Variants in UBR2 observed in about 807,000 individuals in gnomAD.
UBR2 encodes the protein E3 ubiquitin-protein ligase UBR2.
UBR2 carries 92 observed loss-of-function variants against 247.9 expected under a neutral mutation model. That is an observed-to-expected ratio of 0.37 (90% CI 0.31 to 0.44). UBR2 has a LOEUF of 0.44. Ranked by LOEUF, UBR2 falls within the 20% of genes least tolerant of loss-of-function variation. UBR2 has a pLI of 1.00. For synonymous variants in UBR2, 672 were observed against 693.5 expected (o/e 0.97, Z 0.49); for missense variants, 1,613 against 2,112.6 (o/e 0.76, Z 4.64).
intron 40 of UBR2, among the ~76,000 whole-genome samples, chr6:42,678,205 A>G (rs578261866): frequency 1.2e-4 from 19 of 152,178 alleles, no homozygotes; most frequent in Admixed American, 4.6e-4. Context: ...GCGTGGTGGC[A>G]GGCACCTGTA....
rs752536633 is a variant in UBR2, at chr6:42,658,652, A to G, written c.3070A>G (p.Arg1024Gly). ...TEGTIMEESS[R>G]DKDKAERKRK... ...GAATGGAGCATAATTTCAGAGTTCA[A>G]GGGACAAAGACAAAGCTGAGAGGAA... is the stretch of plus-strand genomic sequence containing the variant. Residue 1024 changes from arginine to glycine, a missense_variant, in exon 29 of 47, where the codon AGG becomes GGG. Coordinates refer to ENST00000372901, the MANE Select transcript of UBR2 (RefSeq NM_001363705.2). 9 of 1,603,032 alleles carry G rather than the reference A, an allele frequency of 5.6e-6. No individual in the cohort carries two copies. In the African/African-American group the frequency reaches 1.2e-4, roughly 22 times the overall value.
chr6:42,615,144 C>T lies in UBR2; in HGVS notation c.1059C>T (p.Asp353=), dbSNP rs774167793. Residue 353 remains aspartate, a synonymous_variant, in exon 9 of 47, where the codon GAC becomes GAT. Transcript: ENST00000372901. The part of the protein sequence containing the change: ...GPDGENSSLV[D]RLMLSDSKLW... ...ATGGTGAAAACTCTTCTCTAGTGGA[C>T]AGACTGATGCTTAGTGATTCCAAAT... 2.3e-5 allele frequency: 37 copies of T among 1,612,562 alleles called. No homozygotes were observed. In the East Asian group the frequency reaches 8.0e-4, roughly 35 times the overall value.
intron 1 of UBR2, among the ~76,000 whole-genome samples, chr6:42,571,729 C>G (rs916342760): frequency 9.6e-6 from 1 of 103,828 alleles, no homozygotes; most frequent in Non-Finnish European, 1.8e-5. Flanking sequence ...GGCGACAGCA[C>G]GAGACTCAAA....
chr6:42,648,318 T>C (rs937727966), intron 22 of UBR2, 148 bp downstream of exon 22: 1 of 694,594 alleles, frequency 1.4e-6, no homozygotes, highest in African/African-American at 1.8e-5. Flanking sequence ...TGAATTAGAT[T>C]TCTCACTGAC....
chr6:42,648,775 A>G (rs1042045539), intron 22 of UBR2, among the ~76,000 whole-genome samples: 1 of 152,146 alleles, frequency 6.6e-6, no homozygotes, highest in African/African-American at 2.4e-5. Flanking sequence ...CTGTAATCCA[A>G]CCACTCAGAT....
At chr6:42,653,853 G>A (rs1797270736) in intron 25 of UBR2, among the ~76,000 whole-genome samples, 1 of 151,944 alleles carries the variant, frequency 6.6e-6, no homozygotes, top group East Asian at 1.9e-4. Flanking sequence ...CCAGCGTCAG[G>A]TGATCCACTC....
chr6:42,586,392 C>T (rs752622704), intron 2 of UBR2, among the ~76,000 whole-genome samples: 2 of 151,948 alleles, frequency 1.3e-5, no homozygotes, highest in African/African-American at 4.8e-5. Context: ...TTTTATGGTT[C>T]GGCAACATGG....
Position 42,670,190 on chromosome 6 carries a change from G to A in UBR2, c.3980G>A (p.Arg1327His), listed in dbSNP as rs1350207486. 6.8e-6 allele frequency: 11 copies of A among 1,614,028 alleles called. No individual in the cohort carries two copies. The highest frequency in any genetic ancestry group is 4.5e-5 in the East Asian group (2 of 44,894). ...LKVHPNEEDP[R>H]VPIMCWGSCA... ...GTTCATCCCAATGAAGAGGATCCTC[G>A]TGTTCCCATAATGTGTTGGGGTAGC... The change falls in exon 35 of 47, where the codon CGT (arginine) becomes CAT (histidine). Residue 1327 changes from arginine to histidine, a missense_variant. By Grantham distance (29) the Arg-to-His change is conservative. Coordinates refer to ENST00000372901, the MANE Select transcript of UBR2 (RefSeq NM_001363705.2).
At chr6:42,655,757 G>T in intron 26 of UBR2, 34 bp downstream of exon 26, 1 of 1,246,986 alleles carries the variant, frequency 8.0e-7, no homozygotes, top group Non-Finnish European at 1.1e-6. Context: ...ACTAACTCAA[G>T]ATATAAATGA....
chr6:42,651,182 A>G (rs1478504624), intron 23 of UBR2, among the ~76,000 whole-genome samples: 1 of 151,746 alleles, frequency 6.6e-6, no homozygotes, highest in African/African-American at 2.4e-5. Flanking sequence ...TGATTGCACC[A>G]CTGCATTCCA....
In UBR2 at chr6:42,685,302, ACT is replaced by A. The variant is rs1191573540; in HGVS notation, c.4853+434_4853+435del. Among the ~76,000 whole-genome samples, 7 of 151,834 alleles carry A rather than the reference ACT, an allele frequency of 4.6e-5. No homozygotes were observed. The South Asian group carries it at 1.5e-3, about 32-fold the overall frequency. ...CTCCAGCCTGGGTGACAAAAGCAAA[ACT>A]CTGTCTCAAAAAATGAATAACATCT... is the stretch of plus-strand genomic sequence containing the variant. On this transcript the variant is annotated intron_variant, in intron 44 of 46. Transcript: ENST00000372901.
In UBR2 at chr6:42,691,050, T is replaced by G; in HGVS notation, c.5145T>G (p.His1715Gln). The change falls in exon 47 of 47, where the codon CAT becomes CAG. Residue 1715 changes from histidine to glutamine, a missense_variant. Coordinates refer to ENST00000372901, the MANE Select transcript of UBR2 (RefSeq NM_001363705.2). ...TTTCTAGACGGGGAAATCCTTTACA[T>G]TTATGCAAAGAGCGATTCAAGAAGA... ...DQGLRRGNPL[H>Q]LCKERFKKIQ... The G allele has an allele frequency of 6.2e-7, 1 of 1,614,018 alleles. No homozygotes were observed. Among genetic ancestry groups the G allele is most frequent in the Non-Finnish European group, 8.5e-7 (1 of 1,179,982 alleles).
At chr6:42,569,321 TTGTTTTTGCCTG>T (rs1221405569) in intron 1 of UBR2, among the ~76,000 whole-genome samples, 1 of 152,208 alleles carries the variant, frequency 6.6e-6, no homozygotes, top group Non-Finnish European at 1.5e-5. Flanking sequence ...TTGCCAACAC[TTGTTTTTGCCTG>T]TGTTTTGATT....
At position 42,663,352 on chromosome 6, in the gene UBR2, C is replaced by T; in HGVS notation, c.3631C>T (p.Pro1211Ser). 1 of 1,613,518 alleles carries T rather than the reference C, an allele frequency of 6.2e-7. No homozygotes were observed. The highest frequency in any genetic ancestry group is 8.5e-7 in the Non-Finnish European group (1 of 1,179,768). Residue 1211 changes from proline to serine, a missense_variant, in exon 32 of 47, where the codon CCC becomes TCC. By Grantham distance (74) the Pro-to-Ser change is moderately conservative (BLOSUM62 -1). This residue lies in a region of UBR2 where 1,524 missense variants were observed against 1,967.3 expected (regional missense o/e 0.77). Transcript: ENST00000372901. ...YDVENGEFLC[P>S]LCECLSNTVI... ...TGTAGAAAACGGAGAATTCCTTTGCCCCCTTTGTGAATGCTTGAGTAATAC... is the reference window on the plus strand; with the variant it reads ...TGTAGAAAACGGAGAATTCCTTTGCTCCCTTTGTGAATGCTTGAGTAATAC...
chr6:42,663,537 T>C, intron 32 of UBR2, 118 bp downstream of exon 32: 1 of 1,051,136 alleles, frequency 9.5e-7, no homozygotes. Flanking sequence ...CCAGATACTT[T>C]CCAAACTCTA....
chr6:42,621,502 G>A (rs1359283338), intron 11 of UBR2, among the ~76,000 whole-genome samples: 1 of 151,372 alleles, frequency 6.6e-6, no homozygotes, highest in Non-Finnish European at 1.5e-5. Flanking sequence ...CATTGTTGTT[G>A]CCCAGGCTGG....
Position 42,594,310 on chromosome 6 carries a change from A to G in UBR2, c.531+6A>G. ...CTGAAATTGAGGAAGAAGAGGTAAA[A>G]ACATTTTCACAAAGTTGTTTTTAAC... On this transcript the variant is annotated splice_donor_region_variant and intron_variant, in intron 4 of 46. Coordinates refer to ENST00000372901, the MANE Select transcript of UBR2 (RefSeq NM_001363705.2). 6.3e-7 allele frequency: 1 copy of G among 1,596,156 alleles called. No individual in the cohort carries two copies. The highest frequency in any genetic ancestry group is 8.5e-7 in the Non-Finnish European group (1 of 1,169,864).
intron 7 of UBR2, among the ~76,000 whole-genome samples, chr6:42,610,284 T>C (rs1267885682): frequency 6.6e-6 from 1 of 152,210 alleles, no homozygotes; most frequent in Admixed American, 6.5e-5. Context: ...CAGCAATTCC[T>C]CAAAACATTA....
chr6:42,603,500 A>G, intron 4 of UBR2, 88 bp from the exon 5 acceptor site: 1 of 1,298,432 alleles, frequency 7.7e-7, no homozygotes, highest in South Asian at 1.8e-5. Flanking sequence ...TTTTTACTAT[A>G]CTATTTTGAG....
Sources: gnomAD v4.1 joint callset for allele counts (sites outside exome capture counted in the v4.1 genomes callset) on GRCh38, gnomAD v4.1.1 for gene constraint, gnomAD v4.1.1 regional missense constraint, MANE v1.5 for transcripts, NCBI Gene and HGNC (gene_info 2026-07-23, HGNC 2026-07-21) for gene names.